The following SH3GL3 variants were observed in gnomAD, a reference collection of about 807,000 sequenced individuals.
The protein encoded by SH3GL3 is endophilin-A3.
In SH3GL3, 33 loss-of-function variants were observed where a neutral mutation model predicts 47.7. That is an observed-to-expected ratio of 0.69 (90% CI 0.52 to 0.92). The LOEUF (loss-of-function observed/expected upper bound fraction) is 0.92. SH3GL3 is among the 40% of genes least tolerant of loss of function. SH3GL3 has a pLI of 0.00. For synonymous variants in SH3GL3, 155 were observed against 148.8 expected, an observed-to-expected ratio of 1.04 and a Z score of -0.30; for missense variants, 363 against 417.8, an observed-to-expected ratio of 0.87 and a Z score of 1.14.
At chr15:83,540,469 A>G (rs758123668) in intron 1 of SH3GL3, among the ~76,000 whole-genome samples, 24 of 152,242 alleles carry the variant, frequency 1.6e-4, no homozygotes, top group South Asian at 8.3e-4. Flanking sequence ...GTGCTTAAAG[A>G]TTTAGGATTG....
chr15:83,508,249 T>C (rs2042596270), intron 1 of SH3GL3, among the ~76,000 whole-genome samples: 1 of 151,906 alleles, frequency 6.6e-6, no homozygotes, highest in African/African-American at 2.4e-5. Flanking sequence ...CCAGGCACAA[T>C]TTTAAATACC....
At chr15:83,481,274 CA>C (rs5814148) in intron 1 of SH3GL3, among the ~76,000 whole-genome samples, 76,974 of 116,136 alleles carry the variant, frequency 0.66, 22,967 homozygotes, top group South Asian at 0.7. Context: ...CATTCTGTCT[CA>C]AAAAAAAAAA....
intron 1 of SH3GL3, among the ~76,000 whole-genome samples, chr15:83,504,811 T>G (rs548827796): frequency 6.6e-6 from 1 of 152,198 alleles, no homozygotes; most frequent in African/African-American, 2.4e-5. Context: ...ATAACAGCCA[T>G]GTGAGCTGTT....
intron 8 of SH3GL3, among the ~76,000 whole-genome samples, chr15:83,613,453 A>G (rs562069086): frequency 6.6e-6 from 1 of 152,294 alleles, no homozygotes; most frequent in East Asian, 1.9e-4. Flanking sequence ...CAGCTTTTCC[A>G]TGATTTGTTC....
chr15:83,460,806 C>T (rs1431725387), intron 1 of SH3GL3, among the ~76,000 whole-genome samples: 1 of 152,038 alleles, frequency 6.6e-6, no homozygotes, highest in Non-Finnish European at 1.5e-5. Flanking sequence ...GTACACAGGC[C>T]GGGTGCGGTG....
At chr15:83,532,089 T>G (rs905499748) in intron 1 of SH3GL3, among the ~76,000 whole-genome samples, 2 of 152,210 alleles carry the variant, frequency 1.3e-5, no homozygotes, top group Non-Finnish European at 2.9e-5. Context: ...TAGGACAGCT[T>G]TTAGTTTCCA....
chr15:83,492,137 G>T (rs1437702638), intron 1 of SH3GL3, among the ~76,000 whole-genome samples: 2 of 151,994 alleles, frequency 1.3e-5, no homozygotes, highest in Non-Finnish European at 2.9e-5. Flanking sequence ...ACAAAAATTA[G>T]CTGGGTGTGG....
Position 83,610,890 on chromosome 15 carries a change from A to G in SH3GL3, c.839-7192A>G, listed in dbSNP as rs541650391. ...TAGCTGAGTAGGGCTGAGGAATTGTAGGATTGGACCGCCTCTACCTTAATA... is the reference window on the plus strand; with the variant it reads ...TAGCTGAGTAGGGCTGAGGAATTGTGGGATTGGACCGCCTCTACCTTAATA... On this transcript the variant is annotated intron_variant, in intron 8 of 8. Transcript: ENST00000427482. Among the ~76,000 whole-genome samples, 42 of 152,250 alleles carry G rather than the reference A, an allele frequency of 2.8e-4. No homozygotes were observed. In the South Asian group the frequency reaches 8.7e-3, roughly 32 times the overall value.
At chr15:83,525,457 C>T (rs2043381716) in intron 1 of SH3GL3, among the ~76,000 whole-genome samples, 1 of 151,884 alleles carries the variant, frequency 6.6e-6, no homozygotes. Context: ...AATATGTTCT[C>T]CCATTCAACA....
chr15:83,512,605 A>G (rs900647003), intron 1 of SH3GL3, among the ~76,000 whole-genome samples: 2 of 152,282 alleles, frequency 1.3e-5, no homozygotes, highest in South Asian at 2.1e-4. Context: ...TAAGGGAGCC[A>G]AACAAAAGGC....
intron 8 of SH3GL3, among the ~76,000 whole-genome samples, chr15:83,616,403 G>C (rs1229712062): frequency 6.6e-6 from 1 of 151,824 alleles, no homozygotes; most frequent in African/African-American, 2.4e-5. Flanking sequence ...ACAGGTGCCC[G>C]CCACCACGCC....
intron 1 of SH3GL3, among the ~76,000 whole-genome samples, chr15:83,483,376 G>A (rs1003372895): frequency 6.6e-6 from 1 of 152,150 alleles, no homozygotes; most frequent in African/African-American, 2.4e-5. Flanking sequence ...TGACTACTGA[G>A]CATTTGAAAT....
intron 1 of SH3GL3, among the ~76,000 whole-genome samples, chr15:83,530,368 C>T (rs1246632592): frequency 6.6e-6 from 1 of 152,162 alleles, no homozygotes; most frequent in African/African-American, 2.4e-5. Flanking sequence ...CTTACCCTTT[C>T]CCTGCACCGG....
chr15:83,563,948 T>G (rs1021075381), intron 2 of SH3GL3, among the ~76,000 whole-genome samples: 3 of 152,172 alleles, frequency 2.0e-5, no homozygotes, highest in African/African-American at 7.2e-5. Flanking sequence ...TTTTCCTTCT[T>G]TCTTGTTTGT....
intron 1 of SH3GL3, among the ~76,000 whole-genome samples, chr15:83,519,834 C>T (rs2043133377): frequency 6.6e-6 from 1 of 152,062 alleles, no homozygotes; most frequent in African/African-American, 2.4e-5. Context: ...TTTTTCAATC[C>T]CAGATTATGA....
At chr15:83,502,065 A>G (rs1415400835) in intron 1 of SH3GL3, among the ~76,000 whole-genome samples, 1 of 152,260 alleles carries the variant, frequency 6.6e-6, no homozygotes, top group Non-Finnish European at 1.5e-5. Context: ...TAGGAATAAT[A>G]TAAAGTTTTA....
downstream of SH3GL3, among the ~76,000 whole-genome samples, chr15:83,621,582 T>A (rs1433476235): frequency 1.3e-5 from 2 of 152,142 alleles, no homozygotes; most frequent in African/African-American, 4.8e-5. Flanking sequence ...ACCGATATGA[T>A]AATGAAAAAG....
At chr15:83,565,390 G>C (rs978319893) in intron 3 of SH3GL3, 184 bp downstream of exon 3, 6 of 559,796 alleles carry the variant, frequency 1.1e-5, no homozygotes, top group African/African-American at 5.9e-5. Flanking sequence ...ATGAGAAAGA[G>C]AACAGCTATT....
At chr15:83,598,607 T>C (rs1340995636) in intron 8 of SH3GL3, among the ~76,000 whole-genome samples, 1 of 152,204 alleles carries the variant, frequency 6.6e-6, no homozygotes, top group Non-Finnish European at 1.5e-5. Flanking sequence ...ACTGGTTGCA[T>C]CTTTGCTTCT....
Sources: allele counts gnomAD v4.1 joint callset (sites outside exome capture counted in the v4.1 genomes callset), GRCh38; gene constraint gnomAD v4.1.1; transcripts MANE v1.5; gene names NCBI Gene and HGNC (gene_info 2026-07-23, HGNC 2026-07-21).